VPS41: variants seen among roughly 807,000 people sequenced by gnomAD.
VPS41 encodes the protein VPS41 subunit of HOPS complex.
In VPS41, 85 loss-of-function variants were observed where a neutral mutation model predicts 130.9. That is an observed-to-expected ratio of 0.65 (90% CI 0.55 to 0.78). VPS41 has a LOEUF of 0.78. VPS41 is among the 30% of genes least tolerant of loss of function. The pLI, the probability that VPS41 is intolerant of heterozygous loss-of-function variation, is 0.00. For missense variants in VPS41, 874 were observed against 1,018.7 expected (o/e 0.86, Z 1.93); for synonymous variants, 335 against 332.9 (o/e 1.01, Z -0.07).
intron 4 of VPS41, among the ~76,000 whole-genome samples, chr7:38,860,380 G>C (rs1286802855): frequency 6.6e-6 from 1 of 151,984 alleles, no homozygotes; most frequent in Non-Finnish European, 1.5e-5. Flanking sequence ...TACATATGTA[G>C]ATCATGAGAA....
At position 38,878,656 on chromosome 7, in the gene VPS41, A is replaced by C. The variant is rs191113803; in HGVS notation, c.61-9403T>G. ...ATTAGGAAATCTGACGTCATTTGAT[A>C]AGTCAGAGGAAAAAGAAAACGCAGG... On this transcript the variant is annotated intron_variant, in intron 2 of 28. Transcript: ENST00000310301. Among the ~76,000 whole-genome samples the C allele has an allele frequency of 2.0e-3, 311 of 152,346 alleles. 1 individual carries two copies. Among genetic ancestry groups the C allele is most frequent in the South Asian group, 3.9e-3 (19 of 4,826 alleles).
chr7:38,740,791 T>A (rs985618316), intron 25 of VPS41, among the ~76,000 whole-genome samples: 6 of 152,198 alleles, frequency 3.9e-5, no homozygotes, highest in Non-Finnish European at 7.3e-5. Context: ...AGCTGGAGCC[T>A]GGCTTAGAGC....
At chr7:38,859,599 T>C (rs1161611544) in intron 4 of VPS41, among the ~76,000 whole-genome samples, 1 of 152,178 alleles carries the variant, frequency 6.6e-6, no homozygotes, top group African/African-American at 2.4e-5. Flanking sequence ...CTGTACAGGT[T>C]TGTAGTCTAG....
intron 2 of VPS41, among the ~76,000 whole-genome samples, chr7:38,887,693 T>G (rs1414084767): frequency 6.6e-6 from 1 of 151,602 alleles, no homozygotes; most frequent in African/African-American, 2.4e-5. Context: ...ACAAAGATAC[T>G]CCTCGAGAAG....
chr7:38,905,137 A>G (rs1476519762), intron 1 of VPS41, among the ~76,000 whole-genome samples: 1 of 152,220 alleles, frequency 6.6e-6, no homozygotes, highest in Non-Finnish European at 1.5e-5. Flanking sequence ...ACACTTTACT[A>G]AACACTTAGT....
rs11971020 is a variant in VPS41 at position 38,743,344 on chromosome 7, A to G, written c.2122+58T>C. 315,518 of 1,597,312 alleles carry G rather than the reference A, an allele frequency of 0.2. 36,694 individuals are homozygous for G. Among genetic ancestry groups the G allele is most frequent in the East Asian group, 0.42 (18,864 of 44,646 alleles). On this transcript the variant is annotated intron_variant, in intron 24 of 28. Transcript: ENST00000310301. ...TCTTGAAATAGTTTTTAATCTAGAC[A>G]TAACTGGTTACACTGAGAGAAAAAA...
rs139476617 is a variant in VPS41, at chr7:38,871,260, T to A, written c.61-2007A>T. Among the ~76,000 whole-genome samples the A allele has an allele frequency of 3.9e-4, 59 of 152,328 alleles. No individual in the cohort carries two copies. In the South Asian group the frequency reaches 3.9e-3, roughly 10 times the overall value. On this transcript the variant is annotated intron_variant, in intron 2 of 28. Transcript: ENST00000310301. ...GAAAAACGACTTGTAGAGTAATAAGTGCTCTGCCTATGGAAGATTATAAGA... is the reference window on the plus strand; with the variant it reads ...GAAAAACGACTTGTAGAGTAATAAGAGCTCTGCCTATGGAAGATTATAAGA...
At chr7:38,770,161 C>T (rs1046423825) in intron 14 of VPS41, among the ~76,000 whole-genome samples, 4 of 151,422 alleles carry the variant, frequency 2.6e-5, no homozygotes, top group African/African-American at 9.7e-5. Context: ...CCCAGCTACT[C>T]GGGAGGCTGA....
intron 4 of VPS41, among the ~76,000 whole-genome samples, chr7:38,844,709 CCTT>C (rs1215723832): frequency 6.6e-6 from 1 of 152,016 alleles, no homozygotes; most frequent in Non-Finnish European, 1.5e-5. Context: ...TTAAAATATC[CCTT>C]CTTTTTTCCT....
In VPS41 at chr7:38,764,500, T is replaced by C. The variant is rs974322372; in HGVS notation, c.1330-953A>G. ...GAAGTGAGAGTCCAGACTTATTTTT[T>C]ATGCAGATAACTCTGGGCTAGGGCT... On this transcript the variant is annotated intron_variant, in intron 16 of 28. Transcript: ENST00000310301. 3.3e-5 allele frequency among the ~76,000 whole-genome samples: 5 copies of C among 152,078 alleles called. 1 individual carries two copies. The highest frequency in any genetic ancestry group is 4.1e-4 in the South Asian group (2 of 4,828).
rs1795483486 is a variant in VPS41 at position 38,723,749 on chromosome 7, A to AAAAAAAAAAAAAAAAAC, written c.*2496_*2497insGTTTTTTTTTTTTTTTT. 1 of 147,432 alleles carries AAAAAAAAAAAAAAAAAC rather than the reference A, an allele frequency of 6.8e-6. No homozygotes were observed. Among genetic ancestry groups the AAAAAAAAAAAAAAAAAC allele is most frequent in the African/African-American group, 2.5e-5 (1 of 39,362 alleles). 9.1% of individuals were successfully genotyped at this position (147,432 alleles called of 1,614,324 possible). On this transcript the variant is annotated 3_prime_UTR_variant, in exon 29 of 29. Coordinates refer to ENST00000310301, the MANE Select transcript of VPS41 (RefSeq NM_014396.4). ...AAAAAAAAAAAAAAAAAAAAAAAAA[A>AAAAAAAAAAAAAAAAAC]AAAGAATAGCTTATGAAGTGTGTAC...
At chr7:38,779,697 C>T (rs1361085936) in intron 10 of VPS41, among the ~76,000 whole-genome samples, 2 of 152,030 alleles carry the variant, frequency 1.3e-5, no homozygotes, top group African/African-American at 2.4e-5. Flanking sequence ...TCTTTTATAG[C>T]GATGCTGAGT....
chr7:38,906,332 G>GTT (rs35763199), intron 1 of VPS41, among the ~76,000 whole-genome samples: 10 of 150,660 alleles, frequency 6.6e-5, no homozygotes, highest in South Asian at 4.2e-4. Flanking sequence ...AGACTGCTGG[G>GTT]TTTTTTTTTG....
chr7:38,755,237 T>G (rs557454900), intron 19 of VPS41, among the ~76,000 whole-genome samples: 2 of 152,286 alleles, frequency 1.3e-5, no homozygotes, highest in African/African-American at 4.8e-5. Flanking sequence ...CTCCGATGTC[T>G]CGGATACCTT....
rs1415045959 is a variant in VPS41 at position 38,724,454 on chromosome 7, T to C, written c.*1792A>G. 6.6e-6 allele frequency: 1 copy of C among 152,194 alleles called. No individual in the cohort carries two copies. The highest frequency in any genetic ancestry group is 6.5e-5 in the Admixed American group (1 of 15,278). The allele number at this position is 152,194 out of a possible 1,614,324, so 9.4% of individuals were successfully genotyped here. On this transcript the variant is annotated 3_prime_UTR_variant, in exon 29 of 29. Coordinates refer to ENST00000310301, the MANE Select transcript of VPS41 (RefSeq NM_014396.4). ...TGAGAAGGCTGAGGGGTACATTCAA[T>C]AATAACAAAGAGCCTTCCAGTTCTA...
chr7:38,861,082 G>C (rs60188419), intron 4 of VPS41, among the ~76,000 whole-genome samples: 2,855 of 152,228 alleles, frequency 0.019, 96 homozygotes, highest in African/African-American at 0.065. Context: ...GAAAGAGGAT[G>C]GATGTAGGAT....
chr7:38,792,205 G>A (rs1274998224), intron 9 of VPS41, among the ~76,000 whole-genome samples: 1 of 152,176 alleles, frequency 6.6e-6, no homozygotes, highest in Non-Finnish European at 1.5e-5. Context: ...GCAGGTAAAG[G>A]TGGGTGAATA....
chr7:38,889,549 CA>C (rs1786813835), intron 2 of VPS41, among the ~76,000 whole-genome samples: 1 of 102,704 alleles, frequency 9.7e-6, no homozygotes, highest in Admixed American at 9.2e-5. Context: ...AAAAACAAAA[CA>C]AAACAAAACA....
chr7:38,790,067 A>G (rs1784508703), intron 9 of VPS41, among the ~76,000 whole-genome samples, 200 bp from the exon 10 acceptor site: 1 of 152,226 alleles, frequency 6.6e-6, no homozygotes, highest in Non-Finnish European at 1.5e-5. Context: ...TTATTCCTCA[A>G]TAAAGCCTGA....
Sources: allele counts gnomAD v4.1 joint callset (sites outside exome capture counted in the v4.1 genomes callset), GRCh38; gene constraint gnomAD v4.1.1; transcripts MANE v1.5; gene names NCBI Gene and HGNC (gene_info 2026-07-23, HGNC 2026-07-21).